Variants in PPP3R1 observed in about 807,000 individuals in gnomAD.
PPP3R1 encodes calcineurin subunit B type 1.
PPP3R1 carries 5 observed loss-of-function variants against 22.6 expected under a neutral mutation model. The observed-to-expected ratio is 0.22, with a 90% confidence interval of 0.12 to 0.46. The LOEUF is 0.46. PPP3R1 is among the 20% of genes least tolerant of loss of function. The pLI is 0.99. For synonymous variants in PPP3R1, 56 were observed against 65.2 expected (o/e 0.86, Z 0.68); for missense variants, 61 against 203.2 (o/e 0.30, Z 4.25).
intron 2 of PPP3R1, 43 bp downstream of exon 2, chr2:68,217,049 T>C: frequency 1.5e-6 from 2 of 1,346,966 alleles, no homozygotes; most frequent in Non-Finnish European, 2.0e-6. Flanking sequence ...CAGAGAGAGA[T>C]GAGTGAATAA....
intron 1 of PPP3R1, among the ~76,000 whole-genome samples, chr2:68,245,007 AC>A (rs1670207303): frequency 6.6e-6 from 1 of 152,210 alleles, no homozygotes; most frequent in Non-Finnish European, 1.5e-5. Context: ...TCTTCTAATG[AC>A]CATTCCATCA....
At chr2:68,188,737 CA>C in intron 2 of PPP3R1, 47 bp from the exon 3 acceptor site, 5 of 1,483,800 alleles carry the variant, frequency 3.4e-6, no homozygotes, top group Non-Finnish European at 4.5e-6. Context: ...AAAATGTTCC[CA>C]AATCCTTTCT....
chr2:68,216,955 T>C (rs2103770937), intron 2 of PPP3R1, 137 bp downstream of exon 2: 1 of 597,700 alleles, frequency 1.7e-6, no homozygotes, highest in African/African-American at 1.9e-5. Flanking sequence ...CCACTTTAAA[T>C]AGTTAAGGGC....
chr2:68,246,925 A>G (rs1370958293), intron 1 of PPP3R1, among the ~76,000 whole-genome samples: 1 of 152,100 alleles, frequency 6.6e-6, no homozygotes, highest in Non-Finnish European at 1.5e-5. Flanking sequence ...TGTTGGCCAT[A>G]ATCACCTAGA....
At chr2:68,201,120 C>T (rs570275920) in intron 2 of PPP3R1, among the ~76,000 whole-genome samples, 1 of 152,132 alleles carries the variant, frequency 6.6e-6, no homozygotes, top group South Asian at 2.1e-4. Flanking sequence ...TATATTAAGT[C>T]CAATCCCATC....
chr2:68,245,685 T>C (rs1397672337), intron 1 of PPP3R1, among the ~76,000 whole-genome samples: 1 of 152,250 alleles, frequency 6.6e-6, no homozygotes. Flanking sequence ...TGTAATACTA[T>C]AAAGCAGTAT....
At chr2:68,200,614 C>CA (rs936288316) in intron 2 of PPP3R1, among the ~76,000 whole-genome samples, 3 of 152,160 alleles carry the variant, frequency 2.0e-5, no homozygotes, top group African/African-American at 7.2e-5. Flanking sequence ...AGCTTGATGA[C>CA]AAAGTGAGGT....
chr2:68,202,931 T>TA (rs1675016261), intron 2 of PPP3R1, among the ~76,000 whole-genome samples: 1 of 150,756 alleles, frequency 6.6e-6, no homozygotes, highest in South Asian at 2.1e-4. Context: ...GCCTCCCGAG[T>TA]AGCTGGGACT....
At chr2:68,185,804 A>T (rs1674533967) in intron 5 of PPP3R1, among the ~76,000 whole-genome samples, 1 of 152,170 alleles carries the variant, frequency 6.6e-6, no homozygotes, top group African/African-American at 2.4e-5. Flanking sequence ...CTTCCAAAAA[A>T]AGACGCAGTC....
chr2:68,199,513 G>A (rs1674913095), intron 2 of PPP3R1, among the ~76,000 whole-genome samples: 2 of 152,174 alleles, frequency 1.3e-5, no homozygotes, highest in Non-Finnish European at 2.9e-5. Flanking sequence ...GTGGTCAAGA[G>A]TGGAAAATCT....
intron 2 of PPP3R1, among the ~76,000 whole-genome samples, chr2:68,199,980 C>T (rs1260824307): frequency 6.6e-6 from 1 of 152,000 alleles, no homozygotes. Flanking sequence ...GACTGTGTTT[C>T]TTTCTTTCTT....
Position 68,190,836 on chromosome 2 carries a change from A to G in PPP3R1, c.44-2146T>C, listed in dbSNP as rs115758342. Among the ~76,000 whole-genome samples the G allele has an allele frequency of 6.8e-3, 1,039 of 152,358 alleles. 11 individuals carry two copies. The highest frequency in any genetic ancestry group is 0.024 in the African/African-American group (1,003 of 41,582). On this transcript the variant is annotated intron_variant, in intron 2 of 5. Coordinates refer to ENST00000234310, the MANE Select transcript of PPP3R1 (RefSeq NM_000945.4). The stretch of plus-strand genomic sequence containing the variant: ...GAATTTTAGAAAAGTAGTTTCTACT[A>G]AAGCAAATAACTTCAACCTGCACCA...
At position 68,187,247 on chromosome 2, in the gene PPP3R1, A is replaced by G. The variant is rs1439918620; in HGVS notation, c.280+8T>C. On this transcript the variant is annotated splice_region_variant and intron_variant, in intron 4 of 5. Transcript: ENST00000234310. The stretch of plus-strand genomic sequence containing the variant: ...AAGAGAATGAAGTCAGTGAAGAAAA[A>G]TACTTACACCTCAATTTCTGCTCCT... 2.5e-6 allele frequency: 4 copies of G among 1,600,196 alleles called. No homozygotes were observed. Among genetic ancestry groups the G allele is most frequent in the Non-Finnish European group, 3.4e-6 (4 of 1,169,858 alleles).
intron 2 of PPP3R1, among the ~76,000 whole-genome samples, chr2:68,195,925 CCAT>C (rs1674757010): frequency 6.6e-6 from 1 of 151,350 alleles, no homozygotes; most frequent in African/African-American, 2.4e-5. Flanking sequence ...ATTTCTGGCA[CCAT>C]AATATGTTCA....
intron 2 of PPP3R1, among the ~76,000 whole-genome samples, chr2:68,189,079 T>C (rs1055590859): frequency 9.9e-5 from 15 of 152,284 alleles, no homozygotes; most frequent in Middle Eastern, 3.4e-3. Context: ...ACAGGTTCAA[T>C]CAACCTCTGT....
chr2:68,199,499 A>G (rs978599257), intron 2 of PPP3R1, among the ~76,000 whole-genome samples: 2 of 152,230 alleles, frequency 1.3e-5, no homozygotes, highest in Non-Finnish European at 2.9e-5. Flanking sequence ...AACGTTGATT[A>G]GAAGTGGTCA....
At chr2:68,219,570 A>G (rs1669646306) in intron 1 of PPP3R1, among the ~76,000 whole-genome samples, 1 of 152,226 alleles carries the variant, frequency 6.6e-6, no homozygotes, top group African/African-American at 2.4e-5. Context: ...TTAACAAAAA[A>G]TACACATCAG....
At chr2:68,225,779 A>G (rs1286785459) in intron 1 of PPP3R1, among the ~76,000 whole-genome samples, 1 of 152,230 alleles carries the variant, frequency 6.6e-6, no homozygotes, top group Non-Finnish European at 1.5e-5. Flanking sequence ...ATATCTTGCT[A>G]GTGGGAACTC....
At position 68,252,479 on chromosome 2, in the gene PPP3R1, G is replaced by T. The variant is rs1209077231; in HGVS notation, c.-352C>A. On this transcript the variant is annotated 5_prime_UTR_variant, in exon 1 of 6. Coordinates refer to ENST00000234310, the MANE Select transcript of PPP3R1 (RefSeq NM_000945.4). ...GGGCTGCAGCCTCGCGCTCGCGCCG[G>T]AGCCGTGACGGACTCACTGCAGCGG... 3.0e-6 allele frequency: 3 copies of T among 987,844 alleles called. No individual in the cohort carries two copies. Among genetic ancestry groups the T allele is most frequent in the Non-Finnish European group, 3.6e-6 (3 of 832,220 alleles). 61.2% of individuals were successfully genotyped at this position (987,844 alleles called of 1,614,324 possible). A position where few individuals can be genotyped will look rare whatever the true frequency, so the allele number is the denominator to read the frequency against.
Sources: allele counts gnomAD v4.1 joint callset (sites outside exome capture counted in the v4.1 genomes callset), GRCh38; gene constraint gnomAD v4.1.1; transcripts MANE v1.5; gene names NCBI Gene and HGNC (gene_info 2026-07-23, HGNC 2026-07-21).